The following DTL variants were observed in gnomAD, a reference collection of about 807,000 sequenced individuals.
The protein encoded by DTL is denticleless protein homolog.
A neutral mutation model predicts 87.0 loss-of-function variants in DTL; 46 were observed. That is an observed-to-expected ratio of 0.53 (90% CI 0.42 to 0.68). The LOEUF is 0.68. Ranked by LOEUF, DTL falls within the 30% of genes least tolerant of loss-of-function variation. The probability of loss-of-function intolerance (pLI) is 0.00; values close to 1 mark genes in which losing one functional copy is unlikely to be tolerated. For synonymous variants in DTL, 308 were observed against 311.2 expected, an observed-to-expected ratio of 0.99 and a Z score of 0.11; for missense variants, 737 against 869.4, an observed-to-expected ratio of 0.85 and a Z score of 1.91.
chr1:212,038,074 C>T (rs757776798), intron 1 of DTL, among the ~76,000 whole-genome samples: 3 of 152,158 alleles, frequency 2.0e-5, no homozygotes, highest in Non-Finnish European at 4.4e-5. Context: ...ACAGGAAGCA[C>T]TCACACACAC....
At chr1:212,059,664 C>A (rs12067887) in intron 5 of DTL, among the ~76,000 whole-genome samples, 9 of 150,926 alleles carry the variant, frequency 6.0e-5, no homozygotes, top group African/African-American at 2.2e-4. Flanking sequence ...ACTGGAAGTT[C>A]TACCCAGAGC....
chr1:212,088,624 G>A (rs1181180815), intron 13 of DTL, among the ~76,000 whole-genome samples: 1 of 152,218 alleles, frequency 6.6e-6, no homozygotes, highest in Admixed American at 6.5e-5. Flanking sequence ...AAGAATTTCT[G>A]CCTGGCAAAG....
intron 8 of DTL, 22 bp from the exon 9 acceptor site, chr1:212,068,202 A>G (rs2102553797): frequency 6.5e-7 from 1 of 1,539,052 alleles, no homozygotes; most frequent in Middle Eastern, 1.7e-4. Flanking sequence ...TCTACAAAAT[A>G]TTTATTTGCC....
At chr1:212,098,387 C>G (rs1655510597) in intron 13 of DTL, among the ~76,000 whole-genome samples, 1 of 152,174 alleles carries the variant, frequency 6.6e-6, no homozygotes, top group Admixed American at 6.5e-5. Flanking sequence ...AAGAGAGTAT[C>G]AACTGCAGTA....
chr1:212,066,831 C>T lies in DTL; in HGVS notation c.659C>T (p.Thr220Ile), dbSNP rs1297740111. The change falls in exon 8 of 15, where the codon ACT (threonine) becomes ATT (isoleucine). Residue 220 changes from threonine (T) to isoleucine (I), a missense_variant. Physicochemically the swap from Thr to Ile is moderately conservative, Grantham distance 89. Transcript: ENST00000366991. ...APSVDFQQSV[T>I]VVLFQDENTL... ...TATCAGGATTTCCAGCAAAGTGTTA[C>T]TGTGGTCCTCTTTCAAGACGAGAAT... is the stretch of plus-strand genomic sequence containing the variant. 1 of 1,613,844 alleles carries T rather than the reference C, an allele frequency of 6.2e-7. No individual in the cohort carries two copies. The highest frequency in any genetic ancestry group is 2.2e-5 in the East Asian group (1 of 44,860).
chr1:212,071,995 A>G (rs567322508), intron 10 of DTL, 106 bp from the exon 11 acceptor site: 12 of 752,882 alleles, frequency 1.6e-5, no homozygotes, highest in African/African-American at 1.2e-4. Flanking sequence ...ATCTGCTTCA[A>G]TAGGCAATAC....
chr1:212,053,834 A>G (rs1571948694), intron 5 of DTL, among the ~76,000 whole-genome samples: 1 of 152,294 alleles, frequency 6.6e-6, no homozygotes, highest in Middle Eastern at 3.4e-3. Flanking sequence ...TAACATGGTT[A>G]TGTATCCTTT....
chr1:212,081,952 G>A (rs1655001434), intron 13 of DTL, among the ~76,000 whole-genome samples: 2 of 152,172 alleles, frequency 1.3e-5, no homozygotes, highest in Admixed American at 1.3e-4. Flanking sequence ...TGAAGTTGCA[G>A]ATGTGAGGTT....
chr1:212,087,423 G>A (rs113752407), intron 13 of DTL, among the ~76,000 whole-genome samples: 3 of 151,964 alleles, frequency 2.0e-5, no homozygotes, highest in Non-Finnish European at 2.9e-5. Context: ...GGTGGCACAC[G>A]CCTGTAGTCC....
intron 13 of DTL, among the ~76,000 whole-genome samples, chr1:212,095,402 T>C (rs964855325): frequency 6.6e-6 from 1 of 152,212 alleles, no homozygotes; most frequent in African/African-American, 2.4e-5. Flanking sequence ...TTGCCCAGGC[T>C]GGGGTGCAGT....
chr1:212,074,230 A>C (rs919443219), intron 11 of DTL, among the ~76,000 whole-genome samples: 1 of 151,290 alleles, frequency 6.6e-6, no homozygotes, highest in Non-Finnish European at 1.5e-5. Flanking sequence ...AAATTTTTAA[A>C]TTATATATAT....
intron 5 of DTL, among the ~76,000 whole-genome samples, chr1:212,053,900 TTTATTTTCCCTTGAGAA>T (rs1180415878): frequency 1.3e-5 from 2 of 152,242 alleles, no homozygotes; most frequent in African/African-American, 2.4e-5. Flanking sequence ...CTTCCATTGA[TTTATTTTCCCTTGAGAA>T]TTATTCGTTT....
chr1:212,073,096 G>A (rs922317691), intron 11 of DTL, among the ~76,000 whole-genome samples: 1 of 152,138 alleles, frequency 6.6e-6, no homozygotes, highest in Non-Finnish European at 1.5e-5. Context: ...TTTAATAACA[G>A]TAGTTCTAAA....
intron 5 of DTL, among the ~76,000 whole-genome samples, chr1:212,061,214 C>T (rs1238413244): frequency 6.6e-6 from 1 of 150,556 alleles, no homozygotes; most frequent in Non-Finnish European, 1.5e-5. Flanking sequence ...CATCGCTGTA[C>T]TCCAGCCTGA....
chr1:212,042,859 C>T, intron 1 of DTL, 134 bp from the exon 2 acceptor site: 1 of 812,074 alleles, frequency 1.2e-6, no homozygotes, highest in East Asian at 3.0e-5. Context: ...TGGTGTCTTC[C>T]ATAGATATTA....
intron 13 of DTL, among the ~76,000 whole-genome samples, chr1:212,099,919 G>A (rs181273870): frequency 3.9e-5 from 6 of 152,262 alleles, no homozygotes; most frequent in African/African-American, 1.2e-4. Context: ...AAAGAAAAAA[G>A]TTGAGATGTA....
chr1:212,063,048 C>A, intron 6 of DTL, 99 bp downstream of exon 6: 1 of 870,350 alleles, frequency 1.1e-6, no homozygotes, highest in Non-Finnish European at 1.9e-6. Context: ...CACCAGGGGG[C>A]ATGTACTCAT....
chr1:212,076,428 A>C (rs1183027440), intron 11 of DTL, among the ~76,000 whole-genome samples: 1 of 152,190 alleles, frequency 6.6e-6, no homozygotes, highest in Non-Finnish European at 1.5e-5. Flanking sequence ...AAATGCAAAA[A>C]TGTGCATATA....
At chr1:212,101,778 A>G (rs940253676) in intron 14 of DTL, among the ~76,000 whole-genome samples, 4 of 152,242 alleles carry the variant, frequency 2.6e-5, no homozygotes, top group Non-Finnish European at 5.9e-5. Context: ...AAATTAGATA[A>G]TATCAGTCAT....
Sources: allele counts gnomAD v4.1 joint callset (sites outside exome capture counted in the v4.1 genomes callset), GRCh38; gene constraint gnomAD v4.1.1; transcripts MANE v1.5; gene names NCBI Gene and HGNC (gene_info 2026-07-23, HGNC 2026-07-21).